SEPTIN10: variants seen among roughly 807,000 people sequenced by gnomAD.
SEPTIN10 encodes the protein septin 10.
A neutral mutation model predicts 54.8 loss-of-function variants in SEPTIN10; 66 were observed. The ratio of observed to expected loss-of-function variants is 1.21; its 90% CI spans 0.99 to 1.48. The LOEUF (loss-of-function observed/expected upper bound fraction) is 1.48. Among genes scored for constraint, SEPTIN10 ranks in the 40% most tolerant of loss-of-function variants. The pLI is 0.00. For missense variants in SEPTIN10, 620 were observed against 545.6 expected (o/e 1.14, Z -1.36); for synonymous variants, 161 against 181.0 (o/e 0.89, Z 0.89).
At chr2:109,573,846 A>G (rs186665392) in intron 5 of SEPTIN10, among the ~76,000 whole-genome samples, 44 of 152,322 alleles carry the variant, frequency 2.9e-4, no homozygotes, top group African/African-American at 1.0e-3. Context: ...TGGCTTGGAA[A>G]TTCAAAAATA....
At chr2:109,550,848 T>G (rs1287163467) in intron 9 of SEPTIN10, among the ~76,000 whole-genome samples, 1 of 152,202 alleles carries the variant, frequency 6.6e-6, no homozygotes, top group Non-Finnish European at 1.5e-5. Flanking sequence ...TGTTCATGGT[T>G]GTAACGTAGC....
At chr2:109,554,866 C>T (rs1276338114) in intron 8 of SEPTIN10, among the ~76,000 whole-genome samples, 4 of 152,156 alleles carry the variant, frequency 2.6e-5, no homozygotes, top group Non-Finnish European at 4.4e-5. Flanking sequence ...ACTAGAGTCA[C>T]TGGAATCACT....
At chr2:109,613,056 G>A in intron 1 of SEPTIN10, 1 of 562,266 alleles carries the variant, frequency 1.8e-6, no homozygotes, top group Non-Finnish European at 3.1e-6. Context: ...GGGAGAATTT[G>A]TTTTTAAGAA....
chr2:109,569,192 G>A (rs56710907), intron 5 of SEPTIN10, among the ~76,000 whole-genome samples: 4,734 of 152,176 alleles, frequency 0.031, 245 homozygotes, highest in African/African-American at 0.11. Context: ...ACTTTGAAAG[G>A]CTGAGGCAGG....
Position 109,565,850 on chromosome 2 carries a change from G to C in SEPTIN10, c.772C>G (p.Pro258Ala), listed in dbSNP as rs767502369. The part of the protein sequence containing the change: ...KVNAAMNGQL[P>A]FAVVGSMDEV... ...TCCATACTTCCCACAACAGCAAACG[G>C]CAACTGTCCCTGAAAAAGAATATCG... The change falls in exon 7 of 11, where the codon CCG (proline) becomes GCG (alanine). Residue 258 changes from proline (P) to alanine (A), a missense_variant. Transcript: ENST00000397712. 36 of 1,613,686 alleles carry C rather than the reference G, an allele frequency of 2.2e-5. No homozygotes were observed. The highest frequency in any genetic ancestry group is 2.7e-5 in the Non-Finnish European group (32 of 1,179,884).
chr2:109,613,672 G>A, intron 1 of SEPTIN10, 126 bp downstream of exon 1: 1 of 615,364 alleles, frequency 1.6e-6, no homozygotes, highest in Non-Finnish European at 2.3e-6. Flanking sequence ...AGCACTGGGC[G>A]GGCGGGGCCG....
intron 9 of SEPTIN10, among the ~76,000 whole-genome samples, chr2:109,549,075 C>T (rs1337850702): frequency 3.3e-5 from 5 of 152,078 alleles, no homozygotes; most frequent in African/African-American, 1.2e-4. Flanking sequence ...TAAATGGTTC[C>T]TGCTTTTAAA....
Position 109,558,385 on chromosome 2 carries a change from T to C in SEPTIN10, c.1029-5166A>G, listed in dbSNP as rs533852655. Among the ~76,000 whole-genome samples the C allele has an allele frequency of 4.6e-5, 7 of 152,298 alleles. No individual in the cohort carries two copies. The South Asian group carries it at 1.0e-3, about 23-fold the overall frequency. On this transcript the variant is annotated intron_variant, in intron 8 of 10. Transcript: ENST00000397712. Reference sequence around the variant, plus strand: ...TTAAACAACTCTAAACTACTAAGCATACATCTTCCTTTCAAAGCTACAGGT... The same window carrying C: ...TTAAACAACTCTAAACTACTAAGCACACATCTTCCTTTCAAAGCTACAGGT...
In SEPTIN10 at chr2:109,591,191, A is replaced by G. The variant is rs369045929; in HGVS notation, c.99+1860T>C. Among the ~76,000 whole-genome samples the G allele has an allele frequency of 1.2e-4, 18 of 152,354 alleles. No individual in the cohort carries two copies. The East Asian group carries it at 3.5e-3, about 29-fold the overall frequency. On this transcript the variant is annotated intron_variant, in intron 2 of 10. Coordinates refer to ENST00000397712, the MANE Select transcript of SEPTIN10 (RefSeq NM_144710.5). ...AAGCACTAGGCTTCTTCCTCGTGAA[A>G]GTGTTCAAGATGGTAAGAACTTCAT...
chr2:109,593,263 C>T (rs933445638), intron 1 of SEPTIN10, 144 bp from the exon 2 acceptor site: 4 of 478,186 alleles, frequency 8.4e-6, no homozygotes, highest in South Asian at 1.5e-4. Flanking sequence ...ATTATTGAAT[C>T]GTGTTTGAAA....
intron 1 of SEPTIN10, among the ~76,000 whole-genome samples, chr2:109,596,360 G>A (rs1399529550): frequency 6.6e-6 from 1 of 152,148 alleles, no homozygotes; most frequent in South Asian, 2.1e-4. Context: ...GCTCACGCCT[G>A]TAATTCCAGC....
intron 9 of SEPTIN10, among the ~76,000 whole-genome samples, chr2:109,549,015 C>G (rs746891412): frequency 2.6e-5 from 4 of 152,070 alleles, no homozygotes; most frequent in African/African-American, 9.7e-5. Flanking sequence ...TGCTTTTATT[C>G]CAGAGGATGC....
intron 1 of SEPTIN10, among the ~76,000 whole-genome samples, chr2:109,612,552 TAAGTA>T (rs542904297): frequency 6.6e-6 from 1 of 152,152 alleles, no homozygotes; most frequent in Non-Finnish European, 1.5e-5. Context: ...AATTCGAAAA[TAAGTA>T]AAGTTAGCCT....
intron 1 of SEPTIN10, among the ~76,000 whole-genome samples, chr2:109,597,546 G>A (rs905589111): frequency 6.6e-6 from 1 of 151,436 alleles, no homozygotes; most frequent in Non-Finnish European, 1.5e-5. Context: ...AGGGGGTAAG[G>A]AGACTAACCA....
At chr2:109,547,834 A>G (rs1573365772) in intron 9 of SEPTIN10, among the ~76,000 whole-genome samples, 1 of 152,182 alleles carries the variant, frequency 6.6e-6, no homozygotes, top group Admixed American at 6.5e-5. Context: ...GCCATTGTTA[A>G]TAACAAAAAA....
intron 1 of SEPTIN10, among the ~76,000 whole-genome samples, chr2:109,608,407 G>A (rs1332663914): frequency 6.6e-6 from 1 of 152,136 alleles, no homozygotes; most frequent in African/African-American, 2.4e-5. Flanking sequence ...CATAAATACA[G>A]ACCACACAGA....
intron 5 of SEPTIN10, among the ~76,000 whole-genome samples, chr2:109,570,633 T>C (rs902819142): frequency 2.2e-5 from 3 of 133,932 alleles, no homozygotes; most frequent in African/African-American, 8.0e-5. Flanking sequence ...CAAGCAATTC[T>C]GCCTCAGCCT....
At chr2:109,610,999 A>C (rs1280200561) in intron 1 of SEPTIN10, among the ~76,000 whole-genome samples, 3 of 152,208 alleles carry the variant, frequency 2.0e-5, no homozygotes, top group African/African-American at 7.2e-5. Context: ...CTGCGTGCTA[A>C]CGGAGAACCC....
In SEPTIN10 at chr2:109,576,403, A is replaced by T. The variant is rs1367528284; in HGVS notation, c.414-1636T>A. ...CGTGAGCCACCACACCCGGCCTCAA[A>T]AAATGATATTTTTTTTAATAAGTAA... On this transcript the variant is annotated intron_variant, in intron 4 of 10. Transcript: ENST00000397712. 1.3e-4 allele frequency among the ~76,000 whole-genome samples: 20 copies of T among 152,190 alleles called. No individual in the cohort carries two copies. In the South Asian group the frequency reaches 3.5e-3, roughly 27 times the overall value.
Sources: allele counts gnomAD v4.1 joint callset (sites outside exome capture counted in the v4.1 genomes callset), GRCh38; gene constraint gnomAD v4.1.1; transcripts MANE v1.5; gene names NCBI Gene and HGNC (gene_info 2026-07-23, HGNC 2026-07-21).